RGS5: variants seen among roughly 807,000 people sequenced by gnomAD.
The protein encoded by RGS5 is regulator of G protein signaling 5.
Under a neutral mutation model 18.9 loss-of-function variants are expected in RGS5, and 20 were observed. That is an observed-to-expected ratio of 1.06 (90% CI 0.74 to 1.54). RGS5 has a LOEUF of 1.54. RGS5 is among the 40% of genes most tolerant of loss of function. The probability of loss-of-function intolerance (pLI) is 0.00; values close to 1 mark genes in which losing one functional copy is unlikely to be tolerated. For synonymous variants in RGS5, 57 were observed against 76.2 expected (o/e 0.75, Z 1.31); for missense variants, 201 against 211.8 (o/e 0.95, Z 0.32).
intron 1 of RGS5, among the ~76,000 whole-genome samples, chr1:163,317,696 C>T (rs1650064067): frequency 6.6e-6 from 1 of 152,106 alleles, no homozygotes; most frequent in African/African-American, 2.4e-5. Context: ...TGATCTGGTC[C>T]CTGTTTACCT....
intron 2 of RGS5, among the ~76,000 whole-genome samples, chr1:163,272,996 T>G (rs554167015): frequency 2.6e-5 from 4 of 152,132 alleles, no homozygotes; most frequent in African/African-American, 9.7e-5. Flanking sequence ...ATGAGGGGTT[T>G]TTTTCATAAG....
chr1:163,295,098 T>C (rs1396421899), intron 2 of RGS5, among the ~76,000 whole-genome samples: 1 of 152,172 alleles, frequency 6.6e-6, no homozygotes. Flanking sequence ...CTTTGCCACA[T>C]TGTCCTATTT....
At chr1:163,148,355 T>G (rs1364804091) in intron 4 of RGS5, among the ~76,000 whole-genome samples, 1 of 152,196 alleles carries the variant, frequency 6.6e-6, no homozygotes, top group South Asian at 2.1e-4. Flanking sequence ...ACAAGAAAAC[T>G]TGTTCTTTCC....
intron 2 of RGS5, among the ~76,000 whole-genome samples, chr1:163,301,653 A>G (rs962127383): frequency 1.6e-4 from 24 of 151,320 alleles, no homozygotes; most frequent in Non-Finnish European, 3.5e-4. Context: ...CTTTATAAAG[A>G]AAAAAAATGA....
intron 1 of RGS5, among the ~76,000 whole-genome samples, chr1:163,181,711 G>C (rs918376625): frequency 6.6e-6 from 1 of 152,030 alleles, no homozygotes; most frequent in East Asian, 1.9e-4. Context: ...TGGGTGCCTT[G>C]TCTTACTTCC....
At chr1:163,180,262 C>T (rs892156138) in intron 1 of RGS5, among the ~76,000 whole-genome samples, 2 of 152,194 alleles carry the variant, frequency 1.3e-5, no homozygotes, top group South Asian at 2.1e-4. Flanking sequence ...AGGTGTGAAC[C>T]GCTGCGCCCA....
chr1:163,242,596 T>C (rs1408325639), intron 2 of RGS5, among the ~76,000 whole-genome samples: 1 of 152,200 alleles, frequency 6.6e-6, no homozygotes, highest in Non-Finnish European at 1.5e-5. Flanking sequence ...TGTTTAAGAC[T>C]TAGGACAAGT....
intron 1 of RGS5, among the ~76,000 whole-genome samples, chr1:163,214,866 T>C (rs910300571): frequency 6.6e-6 from 1 of 152,214 alleles, no homozygotes; most frequent in Non-Finnish European, 1.5e-5. Flanking sequence ...AATTTTGTTT[T>C]TTCCAAGATT....
intron 2 of RGS5, among the ~76,000 whole-genome samples, chr1:163,262,189 G>C (rs1227248456): frequency 3.1e-5 from 4 of 128,140 alleles, no homozygotes; most frequent in Non-Finnish European, 5.0e-5. Context: ...TAAGTTTTAG[G>C]GTACATGTGC....
At chr1:163,289,513 G>A (rs1415466146) in intron 2 of RGS5, among the ~76,000 whole-genome samples, 1 of 151,886 alleles carries the variant, frequency 6.6e-6, no homozygotes, top group Non-Finnish European at 1.5e-5. Context: ...TTTGTTCCCT[G>A]AATTTCTAAG....
intron 2 of RGS5, among the ~76,000 whole-genome samples, chr1:163,239,892 A>G (rs1017742931): frequency 6.6e-6 from 1 of 152,228 alleles, no homozygotes; most frequent in African/African-American, 2.4e-5. Context: ...ACTATCTGGA[A>G]GCAAAAACGT....
chr1:163,167,484 C>T (rs1039243500), intron 2 of RGS5, among the ~76,000 whole-genome samples: 11 of 152,158 alleles, frequency 7.2e-5, no homozygotes, highest in East Asian at 3.9e-4. Context: ...TGAGTTAAAG[C>T]GGGGCCAATG....
chr1:163,173,440 C>T (rs1271208997), intron 1 of RGS5, among the ~76,000 whole-genome samples: 2 of 152,134 alleles, frequency 1.3e-5, no homozygotes, highest in African/African-American at 2.4e-5. Context: ...GGTATGCTGG[C>T]TGGCTGGGAA....
chr1:163,308,914 A>G (rs116525791), intron 1 of RGS5, among the ~76,000 whole-genome samples: 2,202 of 152,346 alleles, frequency 0.014, 20 homozygotes, highest in Non-Finnish European at 0.025. Flanking sequence ...CAAAAATATT[A>G]TGTCTAAAAA....
chr1:163,179,557 A>G (rs1294449047), intron 1 of RGS5, among the ~76,000 whole-genome samples: 1 of 152,226 alleles, frequency 6.6e-6, no homozygotes, highest in Non-Finnish European at 1.5e-5. Context: ...ATAGAGAAAA[A>G]CAGAACAAAA....
upstream of RGS5, among the ~76,000 whole-genome samples, chr1:163,217,908 G>A (rs1660252929): frequency 1.3e-5 from 2 of 152,184 alleles, no homozygotes; most frequent in Middle Eastern, 3.4e-3. Context: ...ATTTTAAATC[G>A]CAGAACTGAT....
chr1:163,174,571 A>C (rs1658457162), intron 1 of RGS5, among the ~76,000 whole-genome samples: 3 of 152,362 alleles, frequency 2.0e-5, no homozygotes, highest in Admixed American at 1.3e-4. Context: ...GACTATAAGC[A>C]CTATAAAGTA....
At chr1:163,151,394 A>G (rs1457273778) in intron 4 of RGS5, among the ~76,000 whole-genome samples, 4 of 152,228 alleles carry the variant, frequency 2.6e-5, no homozygotes, top group Non-Finnish European at 5.9e-5. Flanking sequence ...GGGAATGGAA[A>G]GAAAAACAAA....
At chr1:163,188,269 C>G (rs939541074) in intron 1 of RGS5, among the ~76,000 whole-genome samples, 25 of 152,122 alleles carry the variant, frequency 1.6e-4, no homozygotes, top group African/African-American at 5.8e-4. Context: ...TCATTGTTAT[C>G]TTTAATAGCT....
Sources: gnomAD v4.1 joint callset for allele counts (sites outside exome capture counted in the v4.1 genomes callset) on GRCh38, gnomAD v4.1.1 for gene constraint, MANE v1.5 for transcripts, NCBI Gene and HGNC (gene_info 2026-07-23, HGNC 2026-07-21) for gene names.